Variants in CEP63 observed in about 807,000 individuals in gnomAD.
CEP63 encodes centrosomal protein 63, also known as centrosomal protein of 63 kDa.
CEP63 carries 84 observed loss-of-function variants against 89.1 expected under a neutral mutation model. The ratio of observed to expected loss-of-function variants is 0.94; its 90% CI spans 0.79 to 1.13. CEP63 has a LOEUF of 1.13. CEP63 is among the 50% of genes most tolerant of loss of function. The pLI is 0.00. For missense variants in CEP63, 838 were observed against 813.3 expected, an observed-to-expected ratio of 1.03 and a Z score of -0.37; for synonymous variants, 267 against 272.5, an observed-to-expected ratio of 0.98 and a Z score of 0.20.
chr3:134,693,796 G>A, the CEP63 span, among the ~76,000 whole-genome samples: 1 of 152,198 alleles, frequency 6.6e-6, no homozygotes, highest in African/African-American at 2.4e-5. Context: ...GGGCAGGGCT[G>A]TCCTTTGGCT....
the CEP63 span, among the ~76,000 whole-genome samples, chr3:134,753,373 G>C: frequency 6.6e-6 from 1 of 152,132 alleles, no homozygotes; most frequent in Non-Finnish European, 1.5e-5. Flanking sequence ...TGACTCCTGG[G>C]CCTTCCCAGC....
chr3:134,590,403 G>A (rs1958576796), downstream of CEP63, among the ~76,000 whole-genome samples: 3 of 152,196 alleles, frequency 2.0e-5, no homozygotes, highest in South Asian at 6.2e-4. Context: ...TTAGAAATAA[G>A]CAATTAGAAA....
At chr3:134,692,728 C>T in the CEP63 span, among the ~76,000 whole-genome samples, 228 of 152,320 alleles carry the variant, frequency 1.5e-3, no homozygotes, top group Non-Finnish European at 2.5e-3. Context: ...AGACCCCCTT[C>T]ACACAGACGT....
the CEP63 span, chr3:134,598,009 T>C: frequency 2.0e-5 from 3 of 152,120 alleles, no homozygotes; most frequent in Non-Finnish European, 4.4e-5. Context: ...CTGCACCCCA[T>C]TGAGTCCCCC....
At chr3:134,578,880 G>GT (rs778600921), downstream of CEP63, among the ~76,000 whole-genome samples, 35 of 152,260 alleles carry the variant, frequency 2.3e-4, no homozygotes, top group Non-Finnish European at 4.6e-4. Flanking sequence ...TCTGATGACA[G>GT]TTTCTTTTGC....
chr3:134,550,622 AAG>A (rs1292237808), intron 11 of CEP63, among the ~76,000 whole-genome samples: 2 of 152,196 alleles, frequency 1.3e-5, no homozygotes, highest in African/African-American at 4.8e-5. Context: ...AGAGGTCTCT[AAG>A]AGAGAGTAGA....
chr3:134,613,871 G>C, the CEP63 span, among the ~76,000 whole-genome samples: 1 of 152,144 alleles, frequency 6.6e-6, no homozygotes, highest in Non-Finnish European at 1.5e-5. Context: ...AGCCACTCTT[G>C]CTAGCCAGGA....
chr3:134,504,922 A>AT (rs1486409395), intron 2 of CEP63, among the ~76,000 whole-genome samples: 1 of 152,090 alleles, frequency 6.6e-6, no homozygotes, highest in Non-Finnish European at 1.5e-5. Context: ...GCATTTTTAA[A>AT]TTTCATTTAT....
chr3:134,760,058 C>CTTT, the CEP63 span, among the ~76,000 whole-genome samples: 37 of 131,170 alleles, frequency 2.8e-4, 1 homozygote, highest in African/African-American at 6.1e-4. Flanking sequence ...AGAGCACTTT[C>CTTT]TTTTTTTTTT....
the CEP63 span, among the ~76,000 whole-genome samples, chr3:134,697,517 A>C: frequency 6.6e-6 from 1 of 152,230 alleles, no homozygotes; most frequent in African/African-American, 2.4e-5. Flanking sequence ...GGGGAGATGG[A>C]AGTGTTTGGA....
At chr3:134,584,862 TA>T (rs1486139933) in intron 10 of CEP63, among the ~76,000 whole-genome samples, 3 of 152,122 alleles carry the variant, frequency 2.0e-5, no homozygotes, top group African/African-American at 7.2e-5. Flanking sequence ...CAGAGCCTGT[TA>T]TTGGTCTATT....
At chr3:134,536,178 T>C (rs1950742843) in intron 5 of CEP63, 1 of 152,270 alleles carries the variant, frequency 6.6e-6, no homozygotes, top group African/African-American at 2.4e-5. Flanking sequence ...CATGCTCTGT[T>C]TTCTCCAAAA....
intron 3 of CEP63, among the ~76,000 whole-genome samples, chr3:134,530,267 G>A (rs778911440): frequency 6.6e-6 from 1 of 152,188 alleles, no homozygotes; most frequent in Non-Finnish European, 1.5e-5. Context: ...ATGGGTCTTT[G>A]ATTCCAGATA....
At chr3:134,717,072 G>T in the CEP63 span, among the ~76,000 whole-genome samples, 1 of 152,158 alleles carries the variant, frequency 6.6e-6, no homozygotes, top group Non-Finnish European at 1.5e-5. Flanking sequence ...CTGGCCTATT[G>T]TCTGGAGCAA....
intron 6 of CEP63, among the ~76,000 whole-genome samples, chr3:134,541,285 CTT>C (rs1951940561): frequency 6.6e-6 from 1 of 152,134 alleles, no homozygotes; most frequent in Admixed American, 6.5e-5. Flanking sequence ...GCGTTTCTAT[CTT>C]TGATATCATA....
At chr3:134,596,944 C>G in the CEP63 span, among the ~76,000 whole-genome samples, 1 of 152,164 alleles carries the variant, frequency 6.6e-6, no homozygotes, top group Non-Finnish European at 1.5e-5. Context: ...AAAGGCCAGG[C>G]AGGGCTTCCT....
At chr3:134,627,844 A>G in the CEP63 span, 4 of 1,585,214 alleles carry the variant, frequency 2.5e-6, no homozygotes, top group Admixed American at 6.7e-5. Flanking sequence ...GATCAGAAGT[A>G]TAGATACTTC....
At chr3:134,486,950 C>T (rs1045113285) in intron 1 of CEP63, among the ~76,000 whole-genome samples, 7 of 152,174 alleles carry the variant, frequency 4.6e-5, no homozygotes, top group Non-Finnish European at 1.0e-4. Flanking sequence ...GTTTTTCTTA[C>T]GTCCCTTACG....
chr3:134,551,915 C>G lies in CEP63; in HGVS notation c.1381-11C>G. 2 of 1,582,026 alleles carry G rather than the reference C, an allele frequency of 1.3e-6. No individual in the cohort carries two copies. The stretch of plus-strand genomic sequence containing the variant: ...TGTTATATTTATTTTTTTCTGTTTT[C>G]CCCTTTTCAGGAGATTTTGGATCAG... On this transcript the variant is annotated splice_polypyrimidine_tract_variant and intron_variant, in intron 11 of 14. Transcript: ENST00000675561.
Sources: gnomAD v4.1 joint callset for allele counts (sites outside exome capture counted in the v4.1 genomes callset) on GRCh38, gnomAD v4.1.1 for gene constraint, MANE v1.5 for transcripts, NCBI Gene and HGNC (gene_info 2026-07-23, HGNC 2026-07-21) for gene names.